Variants in EFNA5 observed in about 807,000 individuals in gnomAD.
The protein encoded by EFNA5 is ephrin A5, also known as ephrin-A5.
EFNA5 carries 5 observed loss-of-function variants against 22.9 expected under a neutral mutation model. The observed-to-expected ratio is 0.22, with a 90% CI of 0.11 to 0.46. The LOEUF is 0.46. Ranked by LOEUF, EFNA5 falls within the 20% of genes least tolerant of loss-of-function variation. The probability of loss-of-function intolerance (pLI) is 0.99; values close to 1 mark genes in which losing one functional copy is unlikely to be tolerated. For synonymous variants in EFNA5, 113 were observed against 112.2 expected (o/e 1.01, Z -0.04); for missense variants, 237 against 293.3 (o/e 0.81, Z 1.40).
chr5:107,399,222 C>T (rs949881338), intron 2 of EFNA5, among the ~76,000 whole-genome samples: 6 of 151,700 alleles, frequency 4.0e-5, no homozygotes, highest in East Asian at 1.9e-4. Flanking sequence ...GAGGCCAAGG[C>T]GGGCAGATCA....
chr5:107,545,006 C>T (rs911299643), intron 1 of EFNA5, among the ~76,000 whole-genome samples: 2 of 152,182 alleles, frequency 1.3e-5, no homozygotes, highest in Non-Finnish European at 2.9e-5. Context: ...AGCCATGTGA[C>T]TTGTAAAAAA....
At chr5:107,591,497 G>A (rs777394029) in intron 1 of EFNA5, among the ~76,000 whole-genome samples, 2 of 151,866 alleles carry the variant, frequency 1.3e-5, no homozygotes, top group Admixed American at 6.6e-5. Context: ...TCATATAGAT[G>A]AAGGAATTTA....
At chr5:107,425,783 A>G (rs906634822) in intron 2 of EFNA5, among the ~76,000 whole-genome samples, 1 of 152,202 alleles carries the variant, frequency 6.6e-6, no homozygotes, top group Non-Finnish European at 1.5e-5. Flanking sequence ...CTTATTATAA[A>G]ATTCTGTTTT....
intron 1 of EFNA5, among the ~76,000 whole-genome samples, chr5:107,470,179 A>G (rs1222317528): frequency 6.6e-6 from 1 of 152,154 alleles, no homozygotes; most frequent in Non-Finnish European, 1.5e-5. Flanking sequence ...TGTAAGTGCC[A>G]AATCTGGCAT....
intron 1 of EFNA5, among the ~76,000 whole-genome samples, chr5:107,663,938 A>G (rs751348697): frequency 7.9e-5 from 12 of 152,126 alleles, no homozygotes; most frequent in Non-Finnish European, 1.6e-4. Flanking sequence ...ACAAAGGTTT[A>G]TTTTTCCTTA....
intron 1 of EFNA5, among the ~76,000 whole-genome samples, chr5:107,454,899 G>A (rs1749656419): frequency 6.6e-6 from 1 of 152,186 alleles, no homozygotes; most frequent in Non-Finnish European, 1.5e-5. Flanking sequence ...AGAGCAAGTA[G>A]AGAGGGAAGG....
chr5:107,427,532 T>A, intron 1 of EFNA5, 23 bp from the exon 2 acceptor site: 1 of 1,560,400 alleles, frequency 6.4e-7, no homozygotes, highest in Non-Finnish European at 8.7e-7. Context: ...GAAAAAAAAA[T>A]GTGATAATTC....
chr5:107,565,219 T>C (rs1158095630), intron 1 of EFNA5, among the ~76,000 whole-genome samples: 1 of 151,970 alleles, frequency 6.6e-6, no homozygotes, highest in Non-Finnish European at 1.5e-5. Context: ...ACAAAAAAAA[T>C]ATGCGCTGAA....
chr5:107,393,136 T>C (rs1040214700), intron 2 of EFNA5, among the ~76,000 whole-genome samples: 3 of 152,212 alleles, frequency 2.0e-5, no homozygotes, highest in Admixed American at 2.0e-4. Context: ...GGAGAATGCC[T>C]TTCTTCAAAT....
At chr5:107,569,539 A>G (rs1561435890) in intron 1 of EFNA5, among the ~76,000 whole-genome samples, 1 of 128,212 alleles carries the variant, frequency 7.8e-6, no homozygotes, top group African/African-American at 2.9e-5. Flanking sequence ...ATTTATATAT[A>G]TATGTGTGTA....
At chr5:107,511,216 G>T (rs1747364923) in intron 1 of EFNA5, among the ~76,000 whole-genome samples, 1 of 152,090 alleles carries the variant, frequency 6.6e-6, no homozygotes, top group African/African-American at 2.4e-5. Flanking sequence ...AGTAGAGACA[G>T]GGTTTCACCA....
intron 1 of EFNA5, among the ~76,000 whole-genome samples, chr5:107,557,958 C>G (rs1348833762): frequency 6.6e-6 from 1 of 152,066 alleles, no homozygotes; most frequent in African/African-American, 2.4e-5. Context: ...CACAAAATTG[C>G]AATCATATGA....
intron 1 of EFNA5, among the ~76,000 whole-genome samples, chr5:107,545,853 T>C (rs890090661): frequency 1.3e-5 from 2 of 152,178 alleles, no homozygotes; most frequent in African/African-American, 2.4e-5. Context: ...ATCGAAACAC[T>C]GTCTCTTGTG....
chr5:107,594,037 TTCC>T (rs1407653580), intron 1 of EFNA5, among the ~76,000 whole-genome samples: 2 of 152,226 alleles, frequency 1.3e-5, no homozygotes, highest in Admixed American at 1.3e-4. Context: ...TGTTCTCTCA[TTCC>T]TTTTCATGAC....
chr5:107,423,701 A>C (rs1294099206), intron 2 of EFNA5, among the ~76,000 whole-genome samples: 1 of 152,206 alleles, frequency 6.6e-6, no homozygotes. Flanking sequence ...ATCTCTTACC[A>C]AAATAACTCC....
chr5:107,518,493 G>A (rs1442837164), intron 1 of EFNA5, among the ~76,000 whole-genome samples: 1 of 152,032 alleles, frequency 6.6e-6, no homozygotes, highest in South Asian at 2.1e-4. Flanking sequence ...GCAAAGCCTG[G>A]GGGACTGGTG....
intron 2 of EFNA5, among the ~76,000 whole-genome samples, chr5:107,414,445 G>A (rs1011540220): frequency 2.6e-5 from 4 of 152,040 alleles, no homozygotes; most frequent in Non-Finnish European, 5.9e-5. Flanking sequence ...GCTCCTAGAG[G>A]ACAAAAATCA....
chr5:107,571,405 G>T (rs1239778277), intron 1 of EFNA5, among the ~76,000 whole-genome samples: 1 of 152,020 alleles, frequency 6.6e-6, no homozygotes. Flanking sequence ...CTCGCTGTCG[G>T]GGAAAAACAT....
At chr5:107,391,644 T>A (rs1227169586) in intron 2 of EFNA5, among the ~76,000 whole-genome samples, 1 of 152,230 alleles carries the variant, frequency 6.6e-6, no homozygotes, top group African/African-American at 2.4e-5. Context: ...ACCCATTTAC[T>A]CAGTTTACTG....
Sources: allele counts gnomAD v4.1 joint callset (sites outside exome capture counted in the v4.1 genomes callset), GRCh38; gene constraint gnomAD v4.1.1; transcripts MANE v1.5; gene names NCBI Gene and HGNC (gene_info 2026-07-23, HGNC 2026-07-21).